RBFOX1: variants seen among roughly 807,000 people sequenced by gnomAD.
The protein encoded by RBFOX1 is RNA binding fox-1 homolog 1.
A neutral mutation model predicts 57.7 loss-of-function variants in RBFOX1; 8 were observed. The ratio of observed to expected loss-of-function variants is 0.14; its 90% CI spans 0.08 to 0.25. RBFOX1 has a LOEUF of 0.25. Among genes scored for constraint, RBFOX1 ranks in the 10% least tolerant of loss-of-function variants. RBFOX1 has a pLI of 1.00. For synonymous variants in RBFOX1, 326 were observed against 222.4 expected, an observed-to-expected ratio of 1.47 and a Z score of -4.15; for missense variants, 611 against 548.5, an observed-to-expected ratio of 1.11 and a Z score of -1.14.
intron 4 of RBFOX1, among the ~76,000 whole-genome samples, chr16:5,968,463 A>T (rs2059896105): frequency 1.3e-5 from 2 of 152,232 alleles, no homozygotes; most frequent in Non-Finnish European, 2.9e-5. Flanking sequence ...TTCTGTGTGT[A>T]GGTGACTTGT....
intron 4 of RBFOX1, among the ~76,000 whole-genome samples, chr16:5,909,520 C>T (rs1220901290): frequency 1.3e-5 from 2 of 152,228 alleles, no homozygotes; most frequent in Non-Finnish European, 2.9e-5. Context: ...CCACCATCAA[C>T]TTTGACAGGT....
At chr16:6,783,149 G>T (rs767023124) in intron 3 of RBFOX1, among the ~76,000 whole-genome samples, 3 of 151,210 alleles carry the variant, frequency 2.0e-5, no homozygotes, top group Non-Finnish European at 2.9e-5. Context: ...GTTCCTTATA[G>T]GCAGCATATA....
intron 2 of RBFOX1, among the ~76,000 whole-genome samples, chr16:6,634,720 A>AACAAAG (rs747259880): frequency 2.8e-5 from 4 of 140,648 alleles, no homozygotes; most frequent in African/African-American, 5.1e-5. Context: ...TTAAATATAT[A>AACAAAG]ATACAAAGAT....
At chr16:7,241,321 C>G (rs1361251242) in intron 4 of RBFOX1, among the ~76,000 whole-genome samples, 1 of 152,090 alleles carries the variant, frequency 6.6e-6, no homozygotes, top group Non-Finnish European at 1.5e-5. Flanking sequence ...GTGGCCCAAG[C>G]AGGAAGCAGG....
intron 3 of RBFOX1, among the ~76,000 whole-genome samples, chr16:7,024,755 A>C (rs1482657732): frequency 6.6e-6 from 1 of 152,228 alleles, no homozygotes; most frequent in Non-Finnish European, 1.5e-5. Flanking sequence ...TCTTTCAGAC[A>C]GTGCATTCAA....
intron 14 of RBFOX1, among the ~76,000 whole-genome samples, chr16:7,685,649 T>G (rs961815969): frequency 6.6e-6 from 1 of 152,110 alleles, no homozygotes; most frequent in African/African-American, 2.4e-5. Flanking sequence ...TTTTGGAATG[T>G]ATGCTAGTAT....
chr16:6,620,580 A>G (rs1252321304), intron 2 of RBFOX1, among the ~76,000 whole-genome samples: 1 of 150,972 alleles, frequency 6.6e-6, no homozygotes, highest in East Asian at 1.9e-4. Context: ...AACAACAACA[A>G]TAACAACAAC....
intron 4 of RBFOX1, among the ~76,000 whole-genome samples, chr16:7,161,765 A>G (rs986879963): frequency 6.6e-6 from 1 of 152,224 alleles, no homozygotes; most frequent in African/African-American, 2.4e-5. Context: ...CAAGAATACA[A>G]ACCAACATTT....
intron 5 of RBFOX1, among the ~76,000 whole-genome samples, chr16:7,536,928 A>G (rs114651989): frequency 0.013 from 1,930 of 152,340 alleles, 41 homozygotes; most frequent in African/African-American, 0.045. Flanking sequence ...TTCCTGTGAC[A>G]GGATGAATAT....
chr16:7,352,974 C>T (rs779881599), intron 4 of RBFOX1, among the ~76,000 whole-genome samples: 1 of 152,056 alleles, frequency 6.6e-6, no homozygotes, highest in Non-Finnish European at 1.5e-5. Flanking sequence ...GCTTGGCCTC[C>T]CAAAGTGCTG....
At chr16:5,582,337 T>C (rs1567256922) in intron 2 of RBFOX1, among the ~76,000 whole-genome samples, 1 of 152,116 alleles carries the variant, frequency 6.6e-6, no homozygotes, top group Non-Finnish European at 1.5e-5. Context: ...TGGGCTCACC[T>C]TCCACACAGG....
At chr16:5,687,389 C>T (rs1383853308) in intron 3 of RBFOX1, among the ~76,000 whole-genome samples, 1 of 152,048 alleles carries the variant, frequency 6.6e-6, no homozygotes, top group African/African-American at 2.4e-5. Flanking sequence ...AACTTTGGGC[C>T]CGTCCTTAAA....
chr16:6,552,882 CATAAT>C (rs1172419524), intron 2 of RBFOX1, among the ~76,000 whole-genome samples: 2 of 151,824 alleles, frequency 1.3e-5, no homozygotes, highest in African/African-American at 4.8e-5. Flanking sequence ...TTGTGTTATA[CATAAT>C]ATAACAAAAT....
intron 3 of RBFOX1, among the ~76,000 whole-genome samples, chr16:6,986,642 C>T (rs2090350029): frequency 6.6e-6 from 1 of 152,166 alleles, no homozygotes; most frequent in African/African-American, 2.4e-5. Context: ...TTTGCTCATC[C>T]TCTGTCTCCC....
chr16:7,032,558 C>T (rs972308124), intron 3 of RBFOX1, among the ~76,000 whole-genome samples: 3 of 150,514 alleles, frequency 2.0e-5, no homozygotes, highest in African/African-American at 7.3e-5. Context: ...TATGTGGGAA[C>T]ATCTCCCCAT....
intron 3 of RBFOX1, among the ~76,000 whole-genome samples, chr16:6,821,300 C>A (rs1205910065): frequency 6.6e-6 from 1 of 152,184 alleles, no homozygotes; most frequent in Non-Finnish European, 1.5e-5. Context: ...TTCCTCTCTT[C>A]CCTATTACTA....
rs1320061555 is a variant in RBFOX1, at chr16:7,140,159, T to TCC, written c.27+88062_27+88063insCC. ...TTCTCTTATTCTCTCCTTCTCTCCC[T>TCC]CTCTCTCTCTCTCTCTCTCTCTCTC... On this transcript the variant is annotated intron_variant, in intron 4 of 15. Transcript: ENST00000550418. 3.1e-4 allele frequency among the ~76,000 whole-genome samples: 27 copies of TCC among 85,924 alleles called. 1 individual carries two copies. The highest frequency in any genetic ancestry group is 5.9e-4 in the African/African-American group (11 of 18,496). 56.4% of individuals were successfully genotyped at this position (85,924 alleles called of 152,430 possible).
At chr16:6,132,258 A>T (rs1199745803) in intron 1 of RBFOX1, among the ~76,000 whole-genome samples, 2 of 152,106 alleles carry the variant, frequency 1.3e-5, no homozygotes, top group Non-Finnish European at 2.9e-5. Flanking sequence ...GCTCTTCTCT[A>T]TTTCCAGCCC....
rs1018953897 is a variant in RBFOX1 at position 7,520,761 on chromosome 16, T to G, written c.270+2372T>G. 2.6e-5 allele frequency among the ~76,000 whole-genome samples: 4 copies of G among 152,256 alleles called. No homozygotes were observed. In the East Asian group the frequency reaches 7.7e-4, roughly 29 times the overall value. On this transcript the variant is annotated intron_variant, in intron 5 of 15. Transcript: ENST00000550418. ...TAGTGATGGGGATGTTGTTTACTGT[T>G]TGTTGGCTATTTTGTGACAATTAAT...
Sources: gnomAD v4.1 joint callset for allele counts (sites outside exome capture counted in the v4.1 genomes callset) on GRCh38, gnomAD v4.1.1 for gene constraint, MANE v1.5 for transcripts, NCBI Gene and HGNC (gene_info 2026-07-23, HGNC 2026-07-21) for gene names.